Variants in PRKCA observed in about 807,000 individuals in gnomAD.
The protein encoded by PRKCA is protein kinase C alpha, also known as protein kinase C alpha type.
Under a neutral mutation model 87.0 loss-of-function variants are expected in PRKCA, and 27 were observed. The ratio of observed to expected loss-of-function variants is 0.31; its 90% CI spans 0.23 to 0.43. The LOEUF is 0.43. Among genes scored for constraint, PRKCA ranks in the 20% least tolerant of loss-of-function variants. The pLI is 1.00. For missense variants in PRKCA, 518 were observed against 852.3 expected (o/e 0.61, Z 4.88); for synonymous variants, 329 against 311.1 (o/e 1.06, Z -0.61).
intron 2 of PRKCA, among the ~76,000 whole-genome samples, chr17:66,335,429 A>C (rs114109981): frequency 0.014 from 2,130 of 152,036 alleles, 52 homozygotes; most frequent in African/African-American, 0.049. Flanking sequence ...GCCTCTACAC[A>C]TAGTGGGAAG....
intron 13 of PRKCA, among the ~76,000 whole-genome samples, chr17:66,758,981 A>G (rs1974618292): frequency 1.3e-5 from 2 of 152,162 alleles, no homozygotes; most frequent in Non-Finnish European, 2.9e-5. Context: ...GCAGTGATAG[A>G]AGGGATAAGA....
At chr17:66,397,275 C>CTTTTTTTT (rs57003663) in intron 2 of PRKCA, among the ~76,000 whole-genome samples, 1 of 93,718 alleles carries the variant, frequency 1.1e-5, no homozygotes, top group Non-Finnish European at 2.0e-5. Flanking sequence ...CCAGTGTAGA[C>CTTTTTTTT]TTTTTTTTTT....
chr17:66,495,518 G>T (rs1454806590), intron 2 of PRKCA, among the ~76,000 whole-genome samples: 1 of 85,790 alleles, frequency 1.2e-5, no homozygotes, highest in African/African-American at 3.5e-5. Context: ...CTATAGGATG[G>T]TGCAAAGTAT....
chr17:66,689,102 G>A lies in PRKCA; in HGVS notation c.918+55G>A, dbSNP rs961330202. 3.5e-6 allele frequency: 4 copies of A among 1,139,076 alleles called. No homozygotes were observed. Among genetic ancestry groups the A allele is most frequent in the South Asian group, 2.9e-5 (2 of 67,962 alleles). The allele number at this position is 1,139,076 out of a possible 1,614,324, so 70.6% of individuals were successfully genotyped here. A position where few individuals can be genotyped will look rare whatever the true frequency, so the allele number is the denominator to read the frequency against. On this transcript the variant is annotated intron_variant, in intron 8 of 16. Coordinates refer to ENST00000413366, the MANE Select transcript of PRKCA (RefSeq NM_002737.3). The surrounding 1 kb of genome is among the most constrained non-coding windows in gnomAD (Gnocchi z 4.1). The stretch of plus-strand genomic sequence containing the variant: ...TTTCCTTTAGAAAGCCCAACTTCAG[G>A]AACGGCCGAGATGTTGTGGTCACAT...
chr17:66,590,902 G>C (rs911213263), intron 3 of PRKCA, among the ~76,000 whole-genome samples: 1 of 151,914 alleles, frequency 6.6e-6, no homozygotes, highest in African/African-American at 2.4e-5. Context: ...TTCTGAACCG[G>C]AGTGTGGACA....
chr17:66,629,993 CA>C (rs1970965111), intron 3 of PRKCA, among the ~76,000 whole-genome samples: 1 of 152,096 alleles, frequency 6.6e-6, no homozygotes, highest in African/African-American at 2.4e-5. Flanking sequence ...GTGAAAGGTC[CA>C]TGGGAACTCT....
chr17:66,705,960 C>T (rs1973181931), intron 8 of PRKCA, among the ~76,000 whole-genome samples: 1 of 152,088 alleles, frequency 6.6e-6, no homozygotes, highest in African/African-American at 2.4e-5. Context: ...GTCCCTGGAG[C>T]GGTAAATCGC....
intron 5 of PRKCA, among the ~76,000 whole-genome samples, chr17:66,674,151 A>G (rs9910390): frequency 0.5 from 76,379 of 152,022 alleles, 19,287 homozygotes; most frequent in Admixed American, 0.5. Context: ...ATCCCTGGGG[A>G]TGCGAGGGGG....
At chr17:66,764,686 C>A (rs773001652) in intron 13 of PRKCA, among the ~76,000 whole-genome samples, 1 of 152,226 alleles carries the variant, frequency 6.6e-6, no homozygotes, top group Non-Finnish European at 1.5e-5. Context: ...CTCCCATGTG[C>A]AGCAGGGAAA....
At chr17:66,405,229 T>C (rs1046716635) in intron 2 of PRKCA, among the ~76,000 whole-genome samples, 1 of 152,218 alleles carries the variant, frequency 6.6e-6, no homozygotes, top group Admixed American at 6.5e-5. Flanking sequence ...GGTGTGGGAA[T>C]GAAGCTGCCT....
At chr17:66,533,548 A>G (rs1967643913) in intron 3 of PRKCA, among the ~76,000 whole-genome samples, 1 of 152,218 alleles carries the variant, frequency 6.6e-6, no homozygotes, top group African/African-American at 2.4e-5. Flanking sequence ...GGCTAGGCAA[A>G]TGAGAAACGT....
At chr17:66,732,537 C>A in intron 8 of PRKCA, 151 bp from the exon 9 acceptor site, 1 of 926,106 alleles carries the variant, frequency 1.1e-6, no homozygotes, top group Non-Finnish European at 1.7e-6. Context: ...CTGCTGATAT[C>A]TGAACAGGTA....
At chr17:66,538,672 G>A (rs1967873480) in intron 3 of PRKCA, among the ~76,000 whole-genome samples, 1 of 152,230 alleles carries the variant, frequency 6.6e-6, no homozygotes. Flanking sequence ...GTTAGTAAAT[G>A]GCAGCTGTTT....
At chr17:66,501,075 T>A (rs181004434) in intron 3 of PRKCA, among the ~76,000 whole-genome samples, 1 of 152,216 alleles carries the variant, frequency 6.6e-6, no homozygotes, top group African/African-American at 2.4e-5. Context: ...AAAAAGAAGG[T>A]ACAATCCTTG....
chr17:66,738,658 C>CA (rs1446493763), intron 10 of PRKCA, 106 bp from the exon 11 acceptor site: 1 of 845,384 alleles, frequency 1.2e-6, no homozygotes, highest in Non-Finnish European at 2.0e-6. Context: ...TCTGCCCATG[C>CA]AGTCCCCATT....
chr17:66,414,029 G>C (rs1018197462), intron 2 of PRKCA, among the ~76,000 whole-genome samples: 1 of 143,106 alleles, frequency 7.0e-6, no homozygotes, highest in Non-Finnish European at 1.5e-5. Flanking sequence ...AAAAAAAAAA[G>C]ATTAAATATG....
intron 5 of PRKCA, among the ~76,000 whole-genome samples, chr17:66,657,939 A>G (rs947237323): frequency 1.3e-5 from 2 of 152,214 alleles, no homozygotes; most frequent in African/African-American, 4.8e-5. Context: ...ATAAAATAAT[A>G]GAAGTGACTT....
At chr17:66,509,134 A>G (rs765445621) in intron 3 of PRKCA, among the ~76,000 whole-genome samples, 1 of 151,936 alleles carries the variant, frequency 6.6e-6, no homozygotes, top group African/African-American at 2.4e-5. Context: ...GTGAAGGTTT[A>G]TGAATCAGGG....
In PRKCA at chr17:66,312,778, C is replaced by T. The variant is rs541369354; in HGVS notation, c.205+6651C>T. 3.4e-3 allele frequency among the ~76,000 whole-genome samples: 491 copies of T among 143,676 alleles called. 1 individual carries two copies. The highest frequency in any genetic ancestry group is 7.4e-3 in the Middle Eastern group (2 of 272). 94.3% of individuals were successfully genotyped at this position (143,676 alleles called of 152,430 possible). A position where few individuals can be genotyped will look rare whatever the true frequency, so the allele number is the denominator to read the frequency against. ...GTGAGACAGAGTGTCACTCTGTCAC[C>T]CAGGCTGGAGTGTGCAGTGGCACAG... On this transcript the variant is annotated intron_variant, in intron 2 of 16. Coordinates refer to ENST00000413366, the MANE Select transcript of PRKCA (RefSeq NM_002737.3).
Sources: allele counts gnomAD v4.1 joint callset (sites outside exome capture counted in the v4.1 genomes callset), GRCh38; gene constraint gnomAD v4.1.1; non-coding constraint Gnocchi (gnomAD v3.1); transcripts MANE v1.5; gene names NCBI Gene and HGNC (gene_info 2026-07-23, HGNC 2026-07-21).